SLC25A35: variants seen among roughly 807,000 people sequenced by gnomAD.
SLC25A35 encodes solute carrier family 25 member 35, also known as solute carrier family 25, member 35.
In SLC25A35, 32 loss-of-function variants were observed where a neutral mutation model predicts 30.5. The ratio of observed to expected loss-of-function variants is 1.05; its 90% CI spans 0.79 to 1.41. SLC25A35 has a LOEUF of 1.41. SLC25A35 is among the 40% of genes most tolerant of loss of function. SLC25A35 has a pLI of 0.00. For synonymous variants in SLC25A35, 142 were observed against 158.1 expected, an observed-to-expected ratio of 0.90 and a Z score of 0.77; for missense variants, 369 against 388.0, an observed-to-expected ratio of 0.95 and a Z score of 0.41.
At chr17:8,288,787 C>T (rs141507740), downstream of SLC25A35, 76 of 1,613,940 alleles carry the variant, frequency 4.7e-5, no homozygotes, top group African/African-American at 8.0e-4. Context: ...AGCCTCAGAC[C>T]CATGGAGCCC....
In SLC25A35 at chr17:8,290,961, T is replaced by C. The variant is rs1825968153; in HGVS notation, c.610A>G (p.Ser204Gly). 1.2e-6 allele frequency: 2 copies of C among 1,613,946 alleles called. No individual in the cohort carries two copies. Among genetic ancestry groups the C allele is most frequent in the Non-Finnish European group, 1.7e-6 (2 of 1,179,976 alleles). ...GCAGCCACCAGCGCCAACTTCCAGCTCTGGGGAGGAAAGATCTAAGGGGGT... is the reference window on the plus strand; with the variant it reads ...GCAGCCACCAGCGCCAACTTCCAGCCCTGGGGAGGAAAGATCTAAGGGGGT... ...LSQWEIFPPQ[S>G]WKLALVAAMM... is the part of the protein sequence containing the mutation. The change falls in exon 4 of 5, where the codon AGC (serine) becomes GGC (glycine). Residue 204 changes from serine to glycine, a missense_variant. Physicochemically the swap from Ser to Gly is moderately conservative, Grantham distance 56. Transcript: ENST00000577745.
chr17:8,288,940 C>T (rs1990251891), downstream of SLC25A35: 1 of 1,613,784 alleles, frequency 6.2e-7, no homozygotes, highest in African/African-American at 1.3e-5. Flanking sequence ...CCAGGGTCTG[C>T]CTCGCCTCAC....
At chr17:8,292,421 G>T in intron 2 of SLC25A35, 102 bp downstream of exon 2, 1 of 1,154,160 alleles carries the variant, frequency 8.7e-7, no homozygotes, top group Non-Finnish European at 1.3e-6. Flanking sequence ...CCGATGGGTT[G>T]AGCAGAGCAG....
Position 8,295,182 on chromosome 17 carries a change from G to A in SLC25A35, c.-375C>T. On this transcript the variant is annotated 5_prime_UTR_variant, in exon 1 of 5. Coordinates refer to ENST00000577745, the MANE Select transcript of SLC25A35 (RefSeq NM_001320870.2). ...CGCGGGGTTGGGAGATGGAAGCCAG[G>A]GAGGCAGGAAGAAGAAAGCCAGCAA... 1 of 1,021,698 alleles carries A rather than the reference G, an allele frequency of 9.8e-7. No individual in the cohort carries two copies. The highest frequency in any genetic ancestry group is 1.2e-6 in the Non-Finnish European group (1 of 853,576). 63.3% of individuals were successfully genotyped at this position (1,021,698 alleles called of 1,614,324 possible).
At chr17:8,289,579 A>G (rs200615633), downstream of SLC25A35, 50 of 1,612,816 alleles carry the variant, frequency 3.1e-5, no homozygotes, top group South Asian at 5.5e-5. Context: ...CTTACCTTCA[A>G]TCAGCCCCCG....
In SLC25A35 at chr17:8,294,833, A is replaced by T; in HGVS notation, c.-26T>A. 2 of 1,533,754 alleles carry T rather than the reference A, an allele frequency of 1.3e-6. No homozygotes were observed. The highest frequency in any genetic ancestry group is 1.8e-6 in the Non-Finnish European group (2 of 1,141,056). ...GGTGGGATAGCTGTAGCAGGAACTG[A>T]CCCAAGAGTAAGAAAGTAAAAATGG... is the stretch of plus-strand genomic sequence containing the variant. On this transcript the variant is annotated 5_prime_UTR_variant, in exon 1 of 5. Transcript: ENST00000577745.
At chr17:8,291,895 C>T (rs943789073) in intron 2 of SLC25A35, among the ~76,000 whole-genome samples, 1 of 151,508 alleles carries the variant, frequency 6.6e-6, no homozygotes, top group African/African-American at 2.4e-5. Context: ...ATTAAAAATA[C>T]AAAAATTGCC....
At chr17:8,288,226 G>A (rs563859312), downstream of SLC25A35, 2 of 167,418 alleles carry the variant, frequency 1.2e-5, no homozygotes, top group African/African-American at 2.4e-5. Context: ...TTGAGTCCAG[G>A]AGTTTGAGGC....
downstream of SLC25A35, chr17:8,290,015 G>T (rs1284043110): frequency 7.5e-6 from 12 of 1,606,486 alleles, no homozygotes; most frequent in Non-Finnish European, 8.5e-6. Context: ...TGAAAAGAGG[G>T]TTTCCTCTTA....
rs1002302847 is a variant in SLC25A35 at position 8,291,016 on chromosome 17, C to T, written c.595-40G>A. 5 of 1,611,436 alleles carry T rather than the reference C, an allele frequency of 3.1e-6. No homozygotes were observed. The African/African-American group carries it at 5.4e-5, about 17-fold the overall frequency. On this transcript the variant is annotated intron_variant, in intron 3 of 4. Coordinates refer to ENST00000577745, the MANE Select transcript of SLC25A35 (RefSeq NM_001320870.2). ...AGGAAGAGCGTTGTCAACCAGCCAA[C>T]TATTACACCCCAAGGACAGGACAGT...
At chr17:8,288,818 C>T (rs2151607956), downstream of SLC25A35, 5 of 1,614,182 alleles carry the variant, frequency 3.1e-6, no homozygotes, top group East Asian at 6.7e-5. Flanking sequence ...GCCCGCTGTT[C>T]GGGGGCGCCT....
rs182471618 is a variant in SLC25A35 at position 8,290,306 on chromosome 17, G to C, written c.*199C>G. On this transcript the variant is annotated 3_prime_UTR_variant, in exon 5 of 5. Coordinates refer to ENST00000577745, the MANE Select transcript of SLC25A35 (RefSeq NM_001320870.2). ...GTGAGTTACCCAGGGAATGGGTAGG[G>C]AAGGTTTAAAGCAACACCCAAGGAA... 4.4e-5 allele frequency: 63 copies of C among 1,430,098 alleles called. No individual in the cohort carries two copies. 88.6% of individuals were successfully genotyped at this position (1,430,098 alleles called of 1,614,324 possible).
chr17:8,294,382 C>T (rs770022910), intron 1 of SLC25A35, 51 bp downstream of exon 1: 2 of 1,506,568 alleles, frequency 1.3e-6, no homozygotes, highest in Admixed American at 2.2e-5. Context: ...CAGCTCCTAT[C>T]CTACAACGAG....
downstream of SLC25A35, chr17:8,289,621 A>G (rs770678556): frequency 1.2e-6 from 2 of 1,608,228 alleles, no homozygotes; most frequent in Non-Finnish European, 1.7e-6. Flanking sequence ...GTATCTCATG[A>G]CTGGGTTCCC....
downstream of SLC25A35, chr17:8,289,630 C>T (rs1213578160): frequency 6.2e-7 from 1 of 1,607,164 alleles, no homozygotes. Context: ...GACTGGGTTC[C>T]CAGGAGAATC....
rs1334968841 is a variant in SLC25A35, at chr17:8,290,657, G to C, written c.751C>G (p.Leu251Val). The change falls in exon 5 of 5, where the codon CTG becomes GTG. Residue 251 changes from leucine to valine, a missense_variant. Physicochemically the swap from Leu to Val is conservative, Grantham distance 32 (BLOSUM62 1). Transcript: ENST00000577745. Reference sequence around the variant, plus strand: ...CGAGCTGTCTGCAGCAGAGCGTCCAGTATCCCCCGGTACATGAGGCCCTGA... The same window carrying C: ...CGAGCTGTCTGCAGCAGAGCGTCCACTATCCCCCGGTACATGAGGCCCTGA... ...QGKGLMYRGI[L>V]DALLQTARTE... 1.3e-6 allele frequency: 2 copies of C among 1,564,056 alleles called. No homozygotes were observed. The highest frequency in any genetic ancestry group is 1.7e-6 in the Non-Finnish European group (2 of 1,161,150).
chr17:8,288,668 C>G (rs1990228187), downstream of SLC25A35: 4 of 1,145,590 alleles, frequency 3.5e-6, no homozygotes, highest in African/African-American at 3.1e-5. Flanking sequence ...CTTAAAGGAT[C>G]CGGGAGCTAA....
chr17:8,290,947 C>G lies in SLC25A35; in HGVS notation c.624G>C (p.Ala208=), dbSNP rs1240551504. ...TGCCACTCATCATGGCAGCCACCAG[C>G]GCCAACTTCCAGCTCTGGGGAGGAA... The part of the protein sequence containing the change: ...EIFPPQSWKL[A]LVAAMMSGIA... The change falls in exon 4 of 5, where the codon GCG becomes GCC. Residue 208 remains alanine (A), a synonymous_variant. Transcript: ENST00000577745. The G allele has an allele frequency of 1.9e-6, 3 of 1,614,082 alleles. No homozygotes were observed. The highest frequency in any genetic ancestry group is 2.7e-5 in the African/African-American group (2 of 75,026).
downstream of SLC25A35, chr17:8,288,758 T>G (rs756705781): frequency 7.4e-6 from 12 of 1,612,542 alleles, no homozygotes; most frequent in East Asian, 2.5e-4. Context: ...CTTTTAAACC[T>G]TTCTAATGCC....
Sources: allele counts gnomAD v4.1 joint callset (sites outside exome capture counted in the v4.1 genomes callset), GRCh38; gene constraint gnomAD v4.1.1; transcripts MANE v1.5; gene names NCBI Gene and HGNC (gene_info 2026-07-23, HGNC 2026-07-21).